RGS6: variants seen among roughly 807,000 people sequenced by gnomAD.
RGS6 encodes regulator of G-protein signaling 6.
A neutral mutation model predicts 78.5 loss-of-function variants in RGS6; 30 were observed. The observed-to-expected ratio is 0.38, with a 90% CI of 0.29 to 0.52. RGS6 has a LOEUF of 0.52. RGS6 is among the 20% of genes least tolerant of loss of function. The probability of loss-of-function intolerance (pLI) is 0.85; values close to 1 mark genes in which losing one functional copy is unlikely to be tolerated. For missense variants in RGS6, 495 were observed against 609.7 expected (o/e 0.81, Z 1.98); for synonymous variants, 206 against 206.0 (o/e 1.00, Z 0.00).
intron 2 of RGS6, among the ~76,000 whole-genome samples, chr14:72,069,042 G>A (rs1419456757): frequency 6.6e-6 from 1 of 151,428 alleles, no homozygotes; most frequent in Non-Finnish European, 1.5e-5. Flanking sequence ...CGCAATCTTG[G>A]CTCACTGCAA....
chr14:72,331,355 T>C (rs544525115), intron 2 of RGS6, among the ~76,000 whole-genome samples: 32 of 152,308 alleles, frequency 2.1e-4, no homozygotes, highest in African/African-American at 7.7e-4. Flanking sequence ...TTTATAACCT[T>C]GGAATAAACT....
At chr14:72,202,904 G>C (rs558675434) in intron 2 of RGS6, among the ~76,000 whole-genome samples, 1 of 151,840 alleles carries the variant, frequency 6.6e-6, no homozygotes, top group Admixed American at 6.6e-5. Flanking sequence ...GCGGAGTCTC[G>C]CTCTGTCGCC....
chr14:72,169,196 G>C (rs911320346), intron 2 of RGS6, among the ~76,000 whole-genome samples: 2 of 152,186 alleles, frequency 1.3e-5, no homozygotes, highest in Admixed American at 1.3e-4. Flanking sequence ...GGTTTGTAGA[G>C]TACATTCATC....
At chr14:72,048,865 C>G (rs1686097578) in intron 2 of RGS6, among the ~76,000 whole-genome samples, 1 of 151,948 alleles carries the variant, frequency 6.6e-6, no homozygotes, top group South Asian at 2.1e-4. Flanking sequence ...TAACAAAAAC[C>G]TCTATAATCC....
chr14:71,976,910 C>T (rs2094162510), intron 2 of RGS6, among the ~76,000 whole-genome samples: 1 of 139,118 alleles, frequency 7.2e-6, no homozygotes, highest in South Asian at 2.6e-4. Context: ...TCTCCACATC[C>T]TCTCCAACAC....
chr14:72,286,269 C>T (rs1005695318), intron 2 of RGS6, among the ~76,000 whole-genome samples: 7 of 152,102 alleles, frequency 4.6e-5, no homozygotes, highest in Admixed American at 1.3e-4. Context: ...AGGGACTAAC[C>T]TTTCTCCATT....
At chr14:72,560,800 G>A (rs1303571622) in intron 17 of RGS6, among the ~76,000 whole-genome samples, 1 of 75,318 alleles carries the variant, frequency 1.3e-5, no homozygotes, top group African/African-American at 2.4e-4. Context: ...TTGTGGACGT[G>A]TGTGTGTGTG....
intron 2 of RGS6, among the ~76,000 whole-genome samples, chr14:71,980,848 G>T (rs1253173091): frequency 1.0e-5 from 1 of 97,406 alleles, no homozygotes; most frequent in South Asian, 4.5e-4. Context: ...ATAATATCCT[G>T]CAGAGTGTTT....
intron 2 of RGS6, among the ~76,000 whole-genome samples, chr14:72,076,617 C>T (rs919334342): frequency 1.3e-5 from 2 of 152,152 alleles, no homozygotes; most frequent in African/African-American, 4.8e-5. Context: ...CAGCCTCTAC[C>T]TCCTGGGCTC....
At chr14:71,958,665 C>T (rs1000277395) in intron 1 of RGS6, among the ~76,000 whole-genome samples, 1 of 152,072 alleles carries the variant, frequency 6.6e-6, no homozygotes, top group Non-Finnish European at 1.5e-5. Flanking sequence ...AAGGAGCCCC[C>T]CCATTAGCAT....
At chr14:72,534,589 A>AT (rs2097221989) in intron 15 of RGS6, among the ~76,000 whole-genome samples, 1 of 152,024 alleles carries the variant, frequency 6.6e-6, no homozygotes, top group Non-Finnish European at 1.5e-5. Context: ...TCCTTTACCC[A>AT]TTTATCTATT....
the RGS6 span, among the ~76,000 whole-genome samples, chr14:71,885,523 G>A: frequency 0.021 from 3,125 of 152,310 alleles, 53 homozygotes; most frequent in Middle Eastern, 0.058. Context: ...GAGTGGTGGA[G>A]AGAGGTCAGA....
At chr14:72,224,781 T>C (rs1949560) in intron 2 of RGS6, among the ~76,000 whole-genome samples, 73,586 of 151,676 alleles carry the variant, frequency 0.49, 18,124 homozygotes, top group Middle Eastern at 0.63. Flanking sequence ...CTCTCTGGAC[T>C]CTACATCAAG....
intron 2 of RGS6, among the ~76,000 whole-genome samples, chr14:72,013,130 G>A (rs995756519): frequency 3.3e-5 from 5 of 151,894 alleles, no homozygotes; most frequent in African/African-American, 4.8e-5. Flanking sequence ...AATTAGCTGG[G>A]TGTGGTGGTA....
chr14:72,173,466 G>A (rs1029432482), intron 2 of RGS6, among the ~76,000 whole-genome samples: 2 of 152,178 alleles, frequency 1.3e-5, no homozygotes, highest in Non-Finnish European at 2.9e-5. Context: ...GTTTTCTGCA[G>A]GGCATCCATG....
intron 2 of RGS6, among the ~76,000 whole-genome samples, chr14:71,982,802 G>A (rs764777481): frequency 6.6e-6 from 1 of 152,110 alleles, no homozygotes; most frequent in Non-Finnish European, 1.5e-5. Flanking sequence ...GCTTTTCAGT[G>A]CCCTCAAACA....
the RGS6 span, among the ~76,000 whole-genome samples, chr14:72,592,794 T>C: frequency 6.6e-6 from 1 of 152,214 alleles, no homozygotes; most frequent in Non-Finnish European, 1.5e-5. Context: ...CACAGTGGAC[T>C]GGCAGGGAGA....
intron 17 of RGS6, among the ~76,000 whole-genome samples, chr14:72,546,713 C>T (rs1390617182): frequency 6.6e-6 from 1 of 152,222 alleles, no homozygotes; most frequent in Admixed American, 6.5e-5. Context: ...CCCCAGACCC[C>T]AATGTGCCAA....
intron 1 of RGS6, among the ~76,000 whole-genome samples, chr14:71,939,458 A>G (rs1410628840): frequency 6.6e-6 from 1 of 152,270 alleles, no homozygotes; most frequent in Non-Finnish European, 1.5e-5. Flanking sequence ...AAAGTGATCA[A>G]GGTCTCTCTG....
Sources: allele counts gnomAD v4.1 joint callset (sites outside exome capture counted in the v4.1 genomes callset), GRCh38; gene constraint gnomAD v4.1.1; transcripts MANE v1.5; gene names NCBI Gene and HGNC (gene_info 2026-07-23, HGNC 2026-07-21).